EBF3: variants seen among roughly 807,000 people sequenced by gnomAD.
The protein encoded by EBF3 is transcription factor COE3.
In EBF3, 18 loss-of-function variants were observed where a neutral mutation model predicts 77.1. The ratio of observed to expected loss-of-function variants is 0.23; its 90% CI spans 0.16 to 0.35. EBF3 has a LOEUF of 0.35. EBF3 is among the 10% of genes least tolerant of loss of function. EBF3 has a pLI of 1.00. For synonymous variants in EBF3, 350 were observed against 343.5 expected, an observed-to-expected ratio of 1.02 and a Z score of -0.21; for missense variants, 558 against 860.0, an observed-to-expected ratio of 0.65 and a Z score of 4.39.
At position 129,863,222 on chromosome 10, in the gene EBF3, A is replaced by C. The variant is rs569156321; in HGVS notation, c.1039+3919T>G. Among the ~76,000 whole-genome samples, 8 of 152,334 alleles carry C rather than the reference A, an allele frequency of 5.3e-5. No individual in the cohort carries two copies. The highest frequency in any genetic ancestry group is 1.9e-4 in the African/African-American group (8 of 41,594). On this transcript the variant is annotated intron_variant, in intron 10 of 16. Transcript: ENST00000440978. The surrounding 1 kb of genome is among the most constrained non-coding windows in gnomAD (Gnocchi z 4.0). Reference sequence around the variant, plus strand: ...ACCTTCTTACAACAGGGTGAGGCACATGGGAATACAAAGAACCAGTATGGA... The same window carrying C: ...ACCTTCTTACAACAGGGTGAGGCACCTGGGAATACAAAGAACCAGTATGGA...
At position 129,963,982 on chromosome 10, in the gene EBF3, CCGG is replaced by C. The variant is rs1235527637; in HGVS notation, c.-217_-215del. 8 of 1,019,148 alleles carry C rather than the reference CCGG, an allele frequency of 7.8e-6. No individual in the cohort carries two copies. The highest frequency in any genetic ancestry group is 9.9e-5 in the East Asian group (1 of 10,112). 63.1% of individuals were successfully genotyped at this position (1,019,148 alleles called of 1,614,324 possible). On this transcript the variant is annotated 5_prime_UTR_variant, in exon 1 of 17. Coordinates refer to ENST00000440978, the MANE Select transcript of EBF3 (RefSeq NM_001375380.1). The surrounding 1 kb of genome is among the most constrained non-coding windows in gnomAD (Gnocchi z 7.1). ...GGCCAGGGGCGCGGAGGCGGCTCCA[CCGG>C]CGGCGGCGGCGCTTCGAAGGAGCAG...
At position 129,897,845 on chromosome 10, in the gene EBF3, A is replaced by C. The variant is rs942206763; in HGVS notation, c.555-19996T>G. Among the ~76,000 whole-genome samples the C allele has an allele frequency of 6.6e-6, 1 of 152,216 alleles. No individual in the cohort carries two copies. The highest frequency in any genetic ancestry group is 1.5e-5 in the Non-Finnish European group (1 of 68,042). On this transcript the variant is annotated intron_variant, in intron 6 of 16. Transcript: ENST00000440978. The surrounding 1 kb of genome is among the most constrained non-coding windows in gnomAD (Gnocchi z 4.6). ...GCGAGTACATGGCGGCCAGAGGCAGATATCATTGAACTTTGTTGGGGTTTT... is the reference window on the plus strand; with the variant it reads ...GCGAGTACATGGCGGCCAGAGGCAGCTATCATTGAACTTTGTTGGGGTTTT...
intron 6 of EBF3, among the ~76,000 whole-genome samples, chr10:129,889,089 A>G (rs1853824945): frequency 6.6e-6 from 1 of 152,218 alleles, no homozygotes; most frequent in African/African-American, 2.4e-5. Context: ...GCTGTCCACA[A>G]GGCAGCCCAG....
intron 7 of EBF3, among the ~76,000 whole-genome samples, chr10:129,877,481 C>CAAAA (rs10541156): frequency 1.3e-4 from 10 of 77,228 alleles, no homozygotes; most frequent in African/African-American, 2.0e-4. Context: ...ACTCTGTCTC[C>CAAAA]AAAAAAAAAA....
At chr10:129,866,363 C>T (rs1020590065) in intron 10 of EBF3, among the ~76,000 whole-genome samples, 1 of 152,190 alleles carries the variant, frequency 6.6e-6, no homozygotes. Flanking sequence ...TCAAGTGATT[C>T]TCCTGCCTTT....
At chr10:129,956,324 G>A (rs79243051) in intron 6 of EBF3, among the ~76,000 whole-genome samples, 5,505 of 152,224 alleles carry the variant, frequency 0.036, 326 homozygotes, top group African/African-American at 0.12. Context: ...CCTCTGCTTC[G>A]CAAAACTGGT....
At chr10:129,925,328 C>CA (rs1464288444) in intron 6 of EBF3, among the ~76,000 whole-genome samples, 1 of 151,866 alleles carries the variant, frequency 6.6e-6, no homozygotes. Context: ...GAGCTGGCAC[C>CA]ACAGACCCTG....
chr10:129,940,401 G>A (rs1857649229), intron 6 of EBF3, among the ~76,000 whole-genome samples: 1 of 152,100 alleles, frequency 6.6e-6, no homozygotes, highest in African/African-American at 2.4e-5. Flanking sequence ...TCCAGGATGG[G>A]GTCTTCACCA....
At chr10:129,922,414 C>G (rs1464792637) in intron 6 of EBF3, among the ~76,000 whole-genome samples, 2 of 152,228 alleles carry the variant, frequency 1.3e-5, no homozygotes, top group African/African-American at 4.8e-5. Flanking sequence ...CCCACCCGTG[C>G]CCCCCGGCCC....
In EBF3 at chr10:129,879,144, C is replaced by T. The variant is rs1327567067; in HGVS notation, c.555-1295G>A. On this transcript the variant is annotated intron_variant, in intron 6 of 16. Transcript: ENST00000440978. The surrounding 1 kb of genome is among the most constrained non-coding windows in gnomAD (Gnocchi z 4.7). Reference sequence around the variant, plus strand: ...TGGCTTCCAGTCTGAACTCAAAGAACCTGGGAAGCCAGGCTCTACCACTAC... The same window carrying T: ...TGGCTTCCAGTCTGAACTCAAAGAATCTGGGAAGCCAGGCTCTACCACTAC... Among the ~76,000 whole-genome samples the T allele has an allele frequency of 2.6e-5, 4 of 152,106 alleles. No individual in the cohort carries two copies. Among genetic ancestry groups the T allele is most frequent in the Non-Finnish European group, 5.9e-5 (4 of 68,024 alleles).
At position 129,879,488 on chromosome 10, in the gene EBF3, C is replaced by G. The variant is rs753614661; in HGVS notation, c.555-1639G>C. On this transcript the variant is annotated intron_variant, in intron 6 of 16. Coordinates refer to ENST00000440978, the MANE Select transcript of EBF3 (RefSeq NM_001375380.1). The surrounding 1 kb of genome is among the most constrained non-coding windows in gnomAD (Gnocchi z 4.7). Reference sequence around the variant, plus strand: ...ACCAAGACTCATCTAAGTGCCCCCCCAGCATATCCTGGATGACTTCTTACT... The same window carrying G: ...ACCAAGACTCATCTAAGTGCCCCCCGAGCATATCCTGGATGACTTCTTACT... Among the ~76,000 whole-genome samples, 9 of 152,184 alleles carry G rather than the reference C, an allele frequency of 5.9e-5. No homozygotes were observed. The highest frequency in any genetic ancestry group is 1.2e-4 in the Non-Finnish European group (8 of 68,028).
chr10:129,920,710 T>C (rs1222565931), intron 6 of EBF3, among the ~76,000 whole-genome samples: 1 of 152,178 alleles, frequency 6.6e-6, no homozygotes, highest in African/African-American at 2.4e-5. Flanking sequence ...ACATCTCACA[T>C]GAAAGTTGTG....
chr10:129,950,819 G>A (rs521617), intron 6 of EBF3, among the ~76,000 whole-genome samples: 9,941 of 152,224 alleles, frequency 0.065, 1,017 homozygotes, highest in African/African-American at 0.22. Flanking sequence ...TTGTGTTCTG[G>A]CAAGCTGACG....
intron 3 of EBF3, 102 bp downstream of exon 3, chr10:129,962,840 T>C (rs1017518882): frequency 7.2e-7 from 1 of 1,388,846 alleles, no homozygotes. Flanking sequence ...ATTTCGTGTT[T>C]ACATCCATGT....
chr10:129,948,485 C>A (rs1428974123), intron 6 of EBF3, among the ~76,000 whole-genome samples: 1 of 152,038 alleles, frequency 6.6e-6, no homozygotes, highest in Non-Finnish European at 1.5e-5. Context: ...GATGCGTTTG[C>A]CAAAACCCAC....
chr10:129,942,389 C>T (rs1288373977), intron 6 of EBF3, among the ~76,000 whole-genome samples: 2 of 152,204 alleles, frequency 1.3e-5, no homozygotes, highest in Non-Finnish European at 2.9e-5. Flanking sequence ...AATACTGACG[C>T]TGGGGGAAAG....
At chr10:129,862,053 C>T (rs1851678313) in intron 10 of EBF3, among the ~76,000 whole-genome samples, 1 of 152,124 alleles carries the variant, frequency 6.6e-6, no homozygotes, top group African/African-American at 2.4e-5. Context: ...TGGACACCCG[C>T]CAGGAGACAC....
rs1286487637 is a variant in EBF3 at position 129,943,844 on chromosome 10, AC to A, written c.554+13413del. ...TTTTTTCTGTGCTGAGCTCTCTGGA[AC>A]CATATGTTCAGCAACGTTATGGAGG... On this transcript the variant is annotated intron_variant, in intron 6 of 16. Coordinates refer to ENST00000440978, the MANE Select transcript of EBF3 (RefSeq NM_001375380.1). This position sits in a 1 kb window ranked among gnomAD's most constrained non-coding sequence, Gnocchi z 8.8. Among the ~76,000 whole-genome samples, 1 of 152,158 alleles carries A rather than the reference AC, an allele frequency of 6.6e-6. No individual in the cohort carries two copies. The highest frequency in any genetic ancestry group is 1.5e-5 in the Non-Finnish European group (1 of 68,026).
chr10:129,899,429 G>A (rs59600559), intron 6 of EBF3, among the ~76,000 whole-genome samples: 3,614 of 152,334 alleles, frequency 0.024, 140 homozygotes, highest in African/African-American at 0.083. Flanking sequence ...CTGTGCCGGA[G>A]GACGGTGAGG....
Sources: gnomAD v4.1 joint callset for allele counts (sites outside exome capture counted in the v4.1 genomes callset) on GRCh38, gnomAD v4.1.1 for gene constraint, Gnocchi (gnomAD v3.1) non-coding constraint, MANE v1.5 for transcripts, NCBI Gene and HGNC (gene_info 2026-07-23, HGNC 2026-07-21) for gene names.